TMEM260: variants seen among roughly 807,000 people sequenced by gnomAD.
TMEM260 encodes transmembrane protein 260.
In TMEM260, 82 loss-of-function variants were observed where a neutral mutation model predicts 88.9. The observed-to-expected ratio is 0.92, with a 90% CI of 0.77 to 1.11. The LOEUF (loss-of-function observed/expected upper bound fraction) is 1.11. Among genes scored for constraint, TMEM260 ranks in the 50% least tolerant of loss-of-function variants. The probability of loss-of-function intolerance (pLI) is 0.00; values close to 1 mark genes in which losing one functional copy is unlikely to be tolerated. For synonymous variants in TMEM260, 314 were observed against 309.3 expected (o/e 1.02, Z -0.16); for missense variants, 902 against 853.4 (o/e 1.06, Z -0.71).
At chr14:56,596,800 T>C (rs1170179630) in intron 3 of TMEM260, among the ~76,000 whole-genome samples, 1 of 114,070 alleles carries the variant, frequency 8.8e-6, no homozygotes, top group Non-Finnish European at 1.9e-5. Flanking sequence ...AAAAAATATA[T>C]ATATATACAC....
In TMEM260 at chr14:56,637,565, T is replaced by G. The variant is rs184913267; in HGVS notation, c.1869+967T>G. On this transcript the variant is annotated intron_variant, in intron 15 of 15. Transcript: ENST00000261556. ...CACTTCAGACACTTGCAGAGTCTGC[T>G]CTATAGGAAACTAATATCCTGACAA... Among the ~76,000 whole-genome samples, 4 of 152,292 alleles carry G rather than the reference T, an allele frequency of 2.6e-5. No homozygotes were observed. The East Asian group carries it at 7.7e-4, about 29-fold the overall frequency.
intron 15 of TMEM260, chr14:56,638,394 C>A (rs1889290655): frequency 6.6e-6 from 1 of 151,846 alleles, no homozygotes; most frequent in Non-Finnish European, 1.5e-5. Flanking sequence ...ATCTCTAATA[C>A]CTTGTAATTC....
At position 56,636,524 on chromosome 14, in the gene TMEM260, T is replaced by A. The variant is rs144346817; in HGVS notation, c.1795T>A (p.Phe599Ile). Residue 599 changes from phenylalanine (F) to isoleucine (I), a missense_variant, in exon 15 of 16, where the codon TTC becomes ATC. Phe to Ile is a conservative substitution (Grantham distance 21). Coordinates refer to ENST00000261556, the MANE Select transcript of TMEM260 (RefSeq NM_017799.4). ...CACCCCCAGGATGAAAACACCGTTC[T>A]TCATCTTTAACCTGGCAGAAACTGC... Reference protein sequence around the residue: ...MWQARMKTPFFIFNLAETAHM... With the variant: ...MWQARMKTPFIIFNLAETAHM... 5.6e-6 allele frequency: 9 copies of A among 1,613,926 alleles called. No individual in the cohort carries two copies. The highest frequency in any genetic ancestry group is 7.6e-6 in the Non-Finnish European group (9 of 1,179,976).
chr14:56,606,564 A>G (rs7160201), intron 5 of TMEM260, among the ~76,000 whole-genome samples: 135,260 of 152,234 alleles, frequency 0.89, 60,269 homozygotes, highest in East Asian at 1. Context: ...AGGGTAACAC[A>G]GAGGTTATAA....
chr14:56,658,817 G>A, the TMEM260 span, among the ~76,000 whole-genome samples: 3 of 151,144 alleles, frequency 2.0e-5, no homozygotes, highest in East Asian at 1.9e-4. Flanking sequence ...CGCAACCTCC[G>A]CCTCCCAGGT....
At chr14:56,625,220 A>G (rs1888171496) in intron 11 of TMEM260, among the ~76,000 whole-genome samples, 162 bp from the exon 12 acceptor site, 1 of 152,240 alleles carries the variant, frequency 6.6e-6, no homozygotes, top group South Asian at 2.1e-4. Flanking sequence ...ACATCACTAA[A>G]AAAGTAATCA....
intron 6 of TMEM260, among the ~76,000 whole-genome samples, chr14:56,611,583 G>C (rs1257696758): frequency 1.3e-5 from 2 of 152,158 alleles, no homozygotes; most frequent in East Asian, 3.9e-4. Context: ...CTTATACACT[G>C]CTGGTGGGAG....
At chr14:56,582,491 T>G (rs868134125) in intron 1 of TMEM260, among the ~76,000 whole-genome samples, 8 of 152,182 alleles carry the variant, frequency 5.3e-5, no homozygotes, top group South Asian at 4.1e-4. Context: ...AGGGAGCTGG[T>G]TTTTGTAAAG....
the TMEM260 span, among the ~76,000 whole-genome samples, chr14:56,656,646 G>T: frequency 6.6e-6 from 1 of 152,078 alleles, no homozygotes; most frequent in Non-Finnish European, 1.5e-5. Context: ...TAAAATAAAT[G>T]TTCAAAGCCT....
chr14:56,631,747 C>G (rs993508142), intron 12 of TMEM260, among the ~76,000 whole-genome samples: 6 of 152,170 alleles, frequency 3.9e-5, no homozygotes, highest in African/African-American at 1.4e-4. Flanking sequence ...GCTGTTTTGC[C>G]TCTTAGTGCA....
At chr14:56,616,680 CTTTA>C (rs1887613600) in intron 8 of TMEM260, among the ~76,000 whole-genome samples, 1 of 151,906 alleles carries the variant, frequency 6.6e-6, no homozygotes, top group Non-Finnish European at 1.5e-5. Context: ...ATGGATTAAT[CTTTA>C]TTTACATTTC....
chr14:56,656,236 G>A, the TMEM260 span, among the ~76,000 whole-genome samples: 1 of 152,044 alleles, frequency 6.6e-6, no homozygotes. Context: ...GGGCAACACA[G>A]TTGAGACCTC....
chr14:56,603,783 A>G lies in TMEM260; in HGVS notation c.345-32A>G, dbSNP rs10782433. 0.88 allele frequency: 1,416,527 copies of G among 1,612,694 alleles called. 623,070 individuals carry two copies. Among genetic ancestry groups the G allele is most frequent in the East Asian group, 1 (44,720 of 44,838 alleles). ...AAATAAAGTTAGTTCTTTTTGTTGG[A>G]AAAGAAGATTTCATGTTATCTGTGT... On this transcript the variant is annotated intron_variant, in intron 3 of 15. Coordinates refer to ENST00000261556, the MANE Select transcript of TMEM260 (RefSeq NM_017799.4).
intron 12 of TMEM260, among the ~76,000 whole-genome samples, chr14:56,632,792 G>A (rs575227198): frequency 2.0e-5 from 3 of 152,170 alleles, no homozygotes; most frequent in Admixed American, 6.5e-5. Flanking sequence ...TATCTCATTA[G>A]TCTTCAACAG....
intron 3 of TMEM260, among the ~76,000 whole-genome samples, chr14:56,593,978 C>T (rs1034351443): frequency 5.9e-5 from 9 of 151,992 alleles, no homozygotes; most frequent in East Asian, 3.9e-4. Context: ...TGAGCCACCG[C>T]GCCCGGCCGT....
At chr14:56,660,824 C>A in the TMEM260 span, among the ~76,000 whole-genome samples, 2 of 152,288 alleles carry the variant, frequency 1.3e-5, no homozygotes, top group Non-Finnish European at 2.9e-5. Flanking sequence ...TTACAATTGG[C>A]ACAGATTTTT....
chr14:56,622,297 C>T lies in TMEM260; in HGVS notation c.1398+595C>T, dbSNP rs368210232. Among the ~76,000 whole-genome samples the T allele has an allele frequency of 3.6e-3, 467 of 130,968 alleles. 4 individuals are homozygous for T. The highest frequency in any genetic ancestry group is 0.013 in the African/African-American group (445 of 34,890). The allele number at this position is 130,968 out of a possible 152,430, so 85.9% of individuals were successfully genotyped here. A position where few individuals can be genotyped will look rare whatever the true frequency, so the allele number is the denominator to read the frequency against. On this transcript the variant is annotated intron_variant, in intron 11 of 15. Transcript: ENST00000261556. ...GACAGAGTTTGCAGTGAGCCGAGATCGTGTCACTGCACTCCAGCCTGGGCA... is the reference window on the plus strand; with the variant it reads ...GACAGAGTTTGCAGTGAGCCGAGATTGTGTCACTGCACTCCAGCCTGGGCA...
Position 56,618,708 on chromosome 14 carries a change from C to G in TMEM260, c.1171C>G (p.Leu391Val), listed in dbSNP as rs1201923701. 2 of 1,614,038 alleles carry G rather than the reference C, an allele frequency of 1.2e-6. No individual in the cohort carries two copies. Among genetic ancestry groups the G allele is most frequent in the Non-Finnish European group, 8.5e-7 (1 of 1,180,036 alleles). The change falls in exon 10 of 16, where the codon CTG becomes GTG. Residue 391 changes from leucine to valine, a missense_variant. Coordinates refer to ENST00000261556, the MANE Select transcript of TMEM260 (RefSeq NM_017799.4). Reference protein sequence around the residue: ...RVLNSNGLQCLEWLSATLFVV... With the variant: ...RVLNSNGLQCVEWLSATLFVV... ...GCTGAATAGCAATGGGCTTCAGTGT[C>G]TGGAATGGCTTTCTGCAACTCTTTT...
intron 3 of TMEM260, among the ~76,000 whole-genome samples, chr14:56,598,448 G>C (rs1174739699): frequency 6.6e-6 from 1 of 152,256 alleles, no homozygotes; most frequent in Middle Eastern, 3.4e-3. Context: ...GGTAGATGCT[G>C]CAGATGTGGA....
Sources: allele counts gnomAD v4.1 joint callset (sites outside exome capture counted in the v4.1 genomes callset), GRCh38; gene constraint gnomAD v4.1.1; transcripts MANE v1.5; gene names NCBI Gene and HGNC (gene_info 2026-07-23, HGNC 2026-07-21).